The following TNNT2 variants were observed in gnomAD, a reference collection of about 807,000 sequenced individuals.
TNNT2 encodes troponin T, cardiac muscle.
Under a neutral mutation model 62.4 loss-of-function variants are expected in TNNT2, and 34 were observed. The ratio of observed to expected loss-of-function variants is 0.54; its 90% CI spans 0.41 to 0.72. TNNT2 has a LOEUF of 0.72. TNNT2 is among the 30% of genes least tolerant of loss of function. TNNT2 has a pLI of 0.00. For synonymous variants in TNNT2, 123 were observed against 127.2 expected, an observed-to-expected ratio of 0.97 and a Z score of 0.22; for missense variants, 275 against 381.9, an observed-to-expected ratio of 0.72 and a Z score of 2.33.
At chr1:201,364,480 C>T in intron 10 of TNNT2, 105 bp from the exon 11 acceptor site, 1 of 1,226,840 alleles carries the variant, frequency 8.2e-7, no homozygotes, top group South Asian at 1.3e-5. Context: ...GGGGAGGGTT[C>T]CTTCCAGAGT....
chr1:201,371,901 G>C, intron 4 of TNNT2, 126 bp downstream of exon 4: 2 of 1,307,038 alleles, frequency 1.5e-6, no homozygotes, highest in Non-Finnish European at 2.2e-6. Flanking sequence ...AGGCACTGTT[G>C]TTGGAGGATC....
chr1:201,373,119 C>T (rs1327282033), intron 2 of TNNT2, 95 bp downstream of exon 2: 2 of 1,283,416 alleles, frequency 1.6e-6, no homozygotes. Context: ...CTACTTCTAC[C>T]CAGAATCCGA....
chr1:201,367,945 C>G lies in TNNT2; in HGVS notation c.164-139G>C, dbSNP rs923834076. On this transcript the variant is annotated intron_variant, in intron 6 of 16. Coordinates refer to ENST00000656932, the MANE Select transcript of TNNT2 (RefSeq NM_001276345.2). ...GGTTTTTGGGGTTACAGAGCTGTCTCTCACACACACATTCCCCTGGACCCA... is the reference window on the plus strand; with the variant it reads ...GGTTTTTGGGGTTACAGAGCTGTCTGTCACACACACATTCCCCTGGACCCA... The G allele has an allele frequency of 9.0e-6, 10 of 1,106,854 alleles. No individual in the cohort carries two copies. The African/African-American group carries it at 1.4e-4, about 15-fold the overall frequency. The allele number at this position is 1,106,854 out of a possible 1,614,324, so 68.6% of individuals were successfully genotyped here.
Position 201,361,993 on chromosome 1 carries a change from A to G in TNNT2, c.639T>C (p.Thr213=). ...GAATCTTCTTCTTCTTTTCCCGCTC[A>G]GTCTGCCTCTTCCCACTTTTCCGCT... ...QTERKSGKRQ[T]EREKKKKILA... is the part of the protein sequence containing the mutation. Residue 213 remains threonine, a synonymous_variant, in exon 14 of 17, where the codon ACT becomes ACC. Coordinates refer to ENST00000656932, the MANE Select transcript of TNNT2 (RefSeq NM_001276345.2). 2 of 1,614,130 alleles carry G rather than the reference A, an allele frequency of 1.2e-6. No homozygotes were observed. The highest frequency in any genetic ancestry group is 1.7e-6 in the Non-Finnish European group (2 of 1,180,036).
chr1:201,364,197 G>C (rs1659229672), intron 11 of TNNT2, 101 bp downstream of exon 11: 3 of 1,293,596 alleles, frequency 2.3e-6, no homozygotes, highest in East Asian at 2.5e-5. Flanking sequence ...ATTGTCTCTT[G>C]ACTGATTTCA....
chr1:201,368,021 A>G, intron 6 of TNNT2, 141 bp downstream of exon 6: 3 of 1,026,950 alleles, frequency 2.9e-6, no homozygotes, highest in Non-Finnish European at 4.6e-6. Flanking sequence ...TGATTGGGCA[A>G]TCAATGGTTG....
chr1:201,365,512 T>C, intron 9 of TNNT2, 98 bp downstream of exon 9: 1 of 1,408,686 alleles, frequency 7.1e-7, no homozygotes, highest in South Asian at 1.2e-5. Flanking sequence ...CCATCCCACC[T>C]ATGCTCTACC....
At chr1:201,361,219 C>A in intron 15 of TNNT2, 60 bp downstream of exon 15, 1 of 1,528,302 alleles carries the variant, frequency 6.5e-7, no homozygotes, top group Non-Finnish European at 9.1e-7. Context: ...ATTACCGGAC[C>A]CAGTGAACCA....
chr1:201,363,592 G>C, intron 11 of TNNT2, 186 bp from the exon 12 acceptor site: 2 of 604,178 alleles, frequency 3.3e-6, no homozygotes, highest in Non-Finnish European at 6.0e-6. Context: ...AAATGACTGC[G>C]TGATTGAATG....
chr1:201,366,662 C>T, intron 8 of TNNT2, 176 bp downstream of exon 8: 8 of 1,508,444 alleles, frequency 5.3e-6, no homozygotes, highest in Non-Finnish European at 6.2e-6. Flanking sequence ...AGCCCTCACT[C>T]ACTCCCTTAG....
chr1:201,369,737 G>C (rs2102294464), intron 5 of TNNT2, 79 bp downstream of exon 5: 6 of 1,593,342 alleles, frequency 3.8e-6, no homozygotes, highest in Non-Finnish European at 5.2e-6. Context: ...CCAGCCCCCA[G>C]AACAGGGCCC....
At position 201,359,605 on chromosome 1, in the gene TNNT2, A is replaced by T; in HGVS notation, c.851+18T>A. The stretch of plus-strand genomic sequence containing the variant: ...GGGGCAGGGGGAGGGCTAGGCGAGA[A>T]TGACCTCAGACACTTACACTTTCTG... On this transcript the variant is annotated intron_variant, in intron 16 of 16. Coordinates refer to ENST00000656932, the MANE Select transcript of TNNT2 (RefSeq NM_001276345.2). The T allele has an allele frequency of 6.3e-7, 1 of 1,597,834 alleles. No individual in the cohort carries two copies. The highest frequency in any genetic ancestry group is 8.5e-7 in the Non-Finnish European group (1 of 1,170,500).
intron 2 of TNNT2, 58 bp downstream of exon 2, chr1:201,373,155 AG>A (rs1242503169): frequency 6.5e-7 from 1 of 1,548,442 alleles, no homozygotes; most frequent in Non-Finnish European, 8.9e-7. Flanking sequence ...CTCCTGGACC[AG>A]GTGTCAGGGC....
At position 201,363,391 on chromosome 1, in the gene TNNT2, G is replaced by A. The variant is rs397516469; in HGVS notation, c.505C>T (p.Arg169Ter). 22 of 1,613,908 alleles carry A rather than the reference G, an allele frequency of 1.4e-5. No individual in the cohort carries two copies. The highest frequency in any genetic ancestry group is 5.3e-5 in the African/African-American group (4 of 74,848). The change falls in exon 12 of 17, where the codon CGA (arginine) becomes TGA (stop). Residue 169 changes from arginine to a stop codon, truncating the protein, a stop_gained. Coordinates refer to ENST00000656932, the MANE Select transcript of TNNT2 (RefSeq NM_001276345.2). LOFTEE classifies it high-confidence loss of function. ...QNRLAEERAR[R>*]EEEENRRKAE... ...TTCCTCCTGTTCTCCTCCTCCTCTC[G>A]TCGAGCCCTCTCTTCCTGATTTACA...
At chr1:201,366,552 G>T in intron 8 of TNNT2, 1 of 1,329,618 alleles carries the variant, frequency 7.5e-7, no homozygotes, top group Non-Finnish European at 9.7e-7. Context: ...TGGCCATACT[G>T]TGAGAGAGGA....
chr1:201,368,050 A>C (rs1659982890), intron 6 of TNNT2, 112 bp downstream of exon 6: 2 of 1,124,228 alleles, frequency 1.8e-6, no homozygotes, highest in Non-Finnish European at 1.4e-6. Context: ...TCAATAGGAG[A>C]GTCAGGTGCA....
At chr1:201,362,220 G>A in intron 13 of TNNT2, 166 bp downstream of exon 13, 7 of 1,296,908 alleles carry the variant, frequency 5.4e-6, no homozygotes, top group Non-Finnish European at 7.6e-6. Flanking sequence ...GATCACGTCA[G>A]TCTCTTCCTT....
At chr1:201,363,753 T>C (rs1301089284) in intron 11 of TNNT2, 3 of 396,064 alleles carry the variant, frequency 7.6e-6, no homozygotes, top group Non-Finnish European at 1.4e-5. Context: ...GGGGAAGGGA[T>C]GAGGGCTGGA....
In TNNT2 at chr1:201,364,293, C is replaced by G; in HGVS notation, c.489+5G>C. 6.2e-7 allele frequency: 1 copy of G among 1,611,886 alleles called. No individual in the cohort carries two copies. The highest frequency in any genetic ancestry group is 8.5e-7 in the Non-Finnish European group (1 of 1,179,798). On this transcript the variant is annotated splice_donor_5th_base_variant and intron_variant, in intron 11 of 16. Coordinates refer to ENST00000656932, the MANE Select transcript of TNNT2 (RefSeq NM_001276345.2). ...CTCCATGGGCCTGGGCTAGGGGTCA[C>G]TCACAGCCAGGCGGTTCTGCCGCTC...
Sources: gnomAD v4.1 joint callset for allele counts on GRCh38, gnomAD v4.1.1 for gene constraint, MANE v1.5 for transcripts, NCBI Gene and HGNC (gene_info 2026-07-23, HGNC 2026-07-21) for gene names.